BPNT2: variants seen among roughly 807,000 people sequenced by gnomAD.
BPNT2 encodes Golgi-resident adenosine 3',5'-bisphosphate 3'-phosphatase.
Under a neutral mutation model 29.3 loss-of-function variants are expected in BPNT2, and 11 were observed. The observed-to-expected ratio is 0.38, with a 90% CI of 0.24 to 0.62. The LOEUF is 0.62. Ranked by LOEUF, BPNT2 falls within the 20% of genes least tolerant of loss-of-function variation. BPNT2 has a pLI of 0.62. For missense variants in BPNT2, 459 were observed against 473.4 expected (o/e 0.97, Z 0.28); for synonymous variants, 195 against 187.7 (o/e 1.04, Z -0.32).
At chr8:56,983,799 T>C (rs1470411950) in intron 1 of BPNT2, among the ~76,000 whole-genome samples, 2 of 152,026 alleles carry the variant, frequency 1.3e-5, no homozygotes, top group Non-Finnish European at 1.5e-5. Flanking sequence ...AAGGCATTTC[T>C]GAAAATTACA....
intron 2 of BPNT2, 97 bp from the exon 3 acceptor site, chr8:56,978,242 A>G: frequency 1.2e-6 from 1 of 816,004 alleles, no homozygotes; most frequent in South Asian, 1.4e-5. Context: ...AAAAATTTAT[A>G]TACATGAAAT....
rs988066533 is a variant in BPNT2, at chr8:56,959,348, T to C, written c.*4445A>G. The C allele has an allele frequency of 6.6e-6, 1 of 152,144 alleles. No homozygotes were observed. Among genetic ancestry groups the C allele is most frequent in the African/African-American group, 2.4e-5 (1 of 41,442 alleles). 9.4% of individuals were successfully genotyped at this position (152,144 alleles called of 1,614,324 possible). A position where few individuals can be genotyped will look rare whatever the true frequency, so the allele number is the denominator to read the frequency against. ...ATATACTTGCCAGGCTTTGATGAAATAAAAATAAACGATTTACATAAGCAG... is the reference window on the plus strand; with the variant it reads ...ATATACTTGCCAGGCTTTGATGAAACAAAAATAAACGATTTACATAAGCAG... On this transcript the variant is annotated 3_prime_UTR_variant, in exon 5 of 5. Transcript: ENST00000262644.
chr8:56,993,323 T>C lies in BPNT2; in HGVS notation c.263A>G (p.Asn88Ser), dbSNP rs780236254. Residue 88 changes from asparagine (N) to serine (S), a missense_variant, in exon 1 of 5, where the codon AAC (asparagine) becomes AGC (serine). Coordinates refer to ENST00000262644, the MANE Select transcript of BPNT2 (RefSeq NM_017813.5). ...GDEVRRVRES[N>S]VLHEKSKGKT... ...CCCCTTGGACTTCTCGTGGAGGACG[T>C]TGCTCTCGCGGACGCGCCTCACCTC... The C allele has an allele frequency of 5.6e-6, 9 of 1,611,830 alleles. No individual in the cohort carries two copies. Among genetic ancestry groups the C allele is most frequent in the East Asian group, 2.2e-5 (1 of 44,830 alleles).
At chr8:56,977,062 T>C (rs1806152623) in intron 3 of BPNT2, among the ~76,000 whole-genome samples, 1 of 152,194 alleles carries the variant, frequency 6.6e-6, no homozygotes, top group Non-Finnish European at 1.5e-5. Context: ...AAACAAGCTA[T>C]ATATGAAATA....
At chr8:56,975,106 T>C (rs184604802) in intron 3 of BPNT2, among the ~76,000 whole-genome samples, 1 of 152,278 alleles carries the variant, frequency 6.6e-6, no homozygotes, top group Non-Finnish European at 1.5e-5. Flanking sequence ...ACAAAGAATA[T>C]CTAGGGTAGA....
chr8:56,989,087 T>C (rs556581654), intron 1 of BPNT2, among the ~76,000 whole-genome samples: 1 of 152,318 alleles, frequency 6.6e-6, no homozygotes, highest in East Asian at 1.9e-4. Flanking sequence ...GTTAAGAGTA[T>C]ACTTGTTACA....
At chr8:56,967,314 TA>T (rs770979760) in intron 3 of BPNT2, 2 of 451,510 alleles carry the variant, frequency 4.4e-6, no homozygotes, top group Non-Finnish European at 8.9e-6. Flanking sequence ...TACCTCCTTC[TA>T]AAAACTATAC....
At position 56,993,292 on chromosome 8, in the gene BPNT2, C is replaced by T; in HGVS notation, c.294G>A (p.Thr98=). ...NVLHEKSKGK[T]REGAEDKMTS... is the part of the protein sequence containing the mutation. ...TCATCTTGTCCTCGGCTCCCTCGCG[C>T]GTCTTCCCCTTGGACTTCTCGTGGA... Residue 98 remains threonine (T), a synonymous_variant, in exon 1 of 5, where the codon ACG becomes ACA. Transcript: ENST00000262644. 1.9e-6 allele frequency: 3 copies of T among 1,612,112 alleles called. No individual in the cohort carries two copies. The highest frequency in any genetic ancestry group is 2.5e-6 in the Non-Finnish European group (3 of 1,179,978).
chr8:56,975,698 T>G (rs1323708661), intron 3 of BPNT2, among the ~76,000 whole-genome samples: 1 of 152,178 alleles, frequency 6.6e-6, no homozygotes, highest in African/African-American at 2.4e-5. Flanking sequence ...CCTTGTCACA[T>G]AGTTACTGAA....
intron 3 of BPNT2, among the ~76,000 whole-genome samples, 199 bp downstream of exon 3, chr8:56,977,851 C>G (rs1806169863): frequency 1.3e-5 from 2 of 152,138 alleles, no homozygotes; most frequent in Non-Finnish European, 2.9e-5. Context: ...GTTTCAGCAC[C>G]ACGATTTTAG....
chr8:56,960,784 AC>A lies in BPNT2; in HGVS notation c.*3008del, dbSNP rs953961094. On this transcript the variant is annotated 3_prime_UTR_variant, in exon 5 of 5. Transcript: ENST00000262644. ...TACTTCGTAAAAACACTCATATTAG[AC>A]TTGACAACATAAAGGGTTGTGGTTT... is the stretch of plus-strand genomic sequence containing the variant. The A allele has an allele frequency of 1.3e-5, 2 of 152,098 alleles. No individual in the cohort carries two copies. The highest frequency in any genetic ancestry group is 4.8e-5 in the African/African-American group (2 of 41,400). The allele number at this position is 152,098 out of a possible 1,614,324, so 9.4% of individuals were successfully genotyped here.
chr8:56,974,817 G>A (rs770019754), intron 3 of BPNT2, among the ~76,000 whole-genome samples: 3 of 152,146 alleles, frequency 2.0e-5, no homozygotes, highest in Non-Finnish European at 4.4e-5. Context: ...GCCTACAGAT[G>A]AGAGAGGAAT....
intron 4 of BPNT2, chr8:56,964,381 C>A: frequency 4.2e-6 from 1 of 240,004 alleles, no homozygotes; most frequent in Non-Finnish European, 8.2e-6. Flanking sequence ...TCACTGCAAC[C>A]TCCACCTCTC....
intron 1 of BPNT2, among the ~76,000 whole-genome samples, chr8:56,980,944 C>T (rs535408640): frequency 6.6e-6 from 1 of 150,662 alleles, no homozygotes; most frequent in East Asian, 2.0e-4. Flanking sequence ...TTGTATAATA[C>T]TTTATGTAAG....
In BPNT2 at chr8:56,963,734, C is replaced by A. The variant is rs1805885312; in HGVS notation, c.*59G>T. On this transcript the variant is annotated 3_prime_UTR_variant, in exon 5 of 5. Coordinates refer to ENST00000262644, the MANE Select transcript of BPNT2 (RefSeq NM_017813.5). ...AGTCTCCACCAATCCTTTGAAGCTTCCAGCATCTCAGGCTAACCATTTCAG... is the reference window on the plus strand; with the variant it reads ...AGTCTCCACCAATCCTTTGAAGCTTACAGCATCTCAGGCTAACCATTTCAG... 6.3e-7 allele frequency: 1 copy of A among 1,593,380 alleles called. No individual in the cohort carries two copies. Among genetic ancestry groups the A allele is most frequent in the Non-Finnish European group, 8.6e-7 (1 of 1,162,528 alleles).
chr8:56,978,225 T>C, intron 2 of BPNT2, 80 bp from the exon 3 acceptor site: 1 of 933,292 alleles, frequency 1.1e-6, no homozygotes, highest in Non-Finnish European at 1.8e-6. Context: ...TACACTTTAG[T>C]TCATTAAAAA....
rs767359786 is a variant in BPNT2, at chr8:56,963,786, G to T, written c.*7C>A. 1 of 1,614,050 alleles carries T rather than the reference G, an allele frequency of 6.2e-7. No individual in the cohort carries two copies. The highest frequency in any genetic ancestry group is 1.1e-5 in the South Asian group (1 of 91,086). ...TGTGAAGAACTGTACCCTGTAATCAGTTATGCTCATTTATGTCCTGTCTTT... is the reference window on the plus strand; with the variant it reads ...TGTGAAGAACTGTACCCTGTAATCATTTATGCTCATTTATGTCCTGTCTTT... On this transcript the variant is annotated 3_prime_UTR_variant, in exon 5 of 5. Transcript: ENST00000262644.
In BPNT2 at chr8:56,964,079, A is replaced by C; in HGVS notation, c.809-15T>G. ...AACTTTATAACCTAAAAGATAAACA[A>C]AGAATTTAGGTTATTATTCAAAAAA... On this transcript the variant is annotated splice_polypyrimidine_tract_variant and intron_variant, in intron 4 of 4. Coordinates refer to ENST00000262644, the MANE Select transcript of BPNT2 (RefSeq NM_017813.5). The C allele has an allele frequency of 6.4e-7, 1 of 1,551,432 alleles. No individual in the cohort carries two copies. The highest frequency in any genetic ancestry group is 8.8e-7 in the Non-Finnish European group (1 of 1,140,266).
chr8:56,968,009 T>C (rs1805977250), intron 3 of BPNT2, among the ~76,000 whole-genome samples: 1 of 151,922 alleles, frequency 6.6e-6, no homozygotes, highest in Non-Finnish European at 1.5e-5. Flanking sequence ...CTGAAAAATA[T>C]AAAAAGAAAA....
Sources: gnomAD v4.1 joint callset for allele counts (sites outside exome capture counted in the v4.1 genomes callset) on GRCh38, gnomAD v4.1.1 for gene constraint, MANE v1.5 for transcripts, NCBI Gene and HGNC (gene_info 2026-07-23, HGNC 2026-07-21) for gene names.